Variants in LRRTM4 observed in about 807,000 individuals in gnomAD.
LRRTM4 encodes the protein leucine-rich repeat transmembrane neuronal protein 4.
LRRTM4 carries 25 observed loss-of-function variants against 47.6 expected under a neutral mutation model. The observed-to-expected ratio is 0.53, with a 90% CI of 0.38 to 0.73. LRRTM4 has a LOEUF of 0.73. Ranked by LOEUF, LRRTM4 falls within the 30% of genes least tolerant of loss-of-function variation. The pLI, the probability that LRRTM4 is intolerant of heterozygous loss-of-function variation, is 0.00. For missense variants in LRRTM4, 638 were observed against 713.4 expected, an observed-to-expected ratio of 0.89 and a Z score of 1.20; for synonymous variants, 311 against 269.5, an observed-to-expected ratio of 1.15 and a Z score of -1.51.
chr2:76,799,218 A>C (rs1281352554), intron 3 of LRRTM4, among the ~76,000 whole-genome samples: 173 of 123,538 alleles, frequency 1.4e-3, no homozygotes, highest in African/African-American at 5.1e-3. Flanking sequence ...TACTGGCAAA[A>C]CGAATCCAGC....
At chr2:76,948,320 G>C (rs1235312497) in intron 3 of LRRTM4, among the ~76,000 whole-genome samples, 1 of 151,878 alleles carries the variant, frequency 6.6e-6, no homozygotes, top group Non-Finnish European at 1.5e-5. Context: ...ATGGAGAGGT[G>C]TGTAACCAAC....
intron 3 of LRRTM4, among the ~76,000 whole-genome samples, chr2:77,107,916 T>A (rs1280476984): frequency 6.6e-6 from 1 of 151,636 alleles, no homozygotes; most frequent in Non-Finnish European, 1.5e-5. Context: ...CTTGCCATTA[T>A]AAGTTGTTTA....
intron 3 of LRRTM4, among the ~76,000 whole-genome samples, chr2:77,083,539 T>C (rs1195475861): frequency 1.3e-5 from 2 of 152,168 alleles, no homozygotes; most frequent in South Asian, 4.1e-4. Flanking sequence ...CAATGAAAGC[T>C]AGTCCTGAAA....
At chr2:77,378,882 C>G (rs1558715781) in intron 3 of LRRTM4, among the ~76,000 whole-genome samples, 1 of 152,094 alleles carries the variant, frequency 6.6e-6, no homozygotes, top group East Asian at 1.9e-4. Flanking sequence ...ACAGTGTTCA[C>G]CTTTACACAC....
intron 3 of LRRTM4, among the ~76,000 whole-genome samples, chr2:77,088,381 C>T (rs970918059): frequency 3.3e-5 from 5 of 152,220 alleles, no homozygotes; most frequent in South Asian, 4.1e-4. Context: ...TGTAAATGAC[C>T]GGTCCTTGCC....
At chr2:77,297,357 T>C (rs1677001836) in intron 3 of LRRTM4, among the ~76,000 whole-genome samples, 1 of 152,188 alleles carries the variant, frequency 6.6e-6, no homozygotes, top group Non-Finnish European at 1.5e-5. Flanking sequence ...GACTGATTAT[T>C]GTTTTGATTT....
intron 3 of LRRTM4, among the ~76,000 whole-genome samples, chr2:76,908,646 T>C (rs565625475): frequency 1.2e-4 from 18 of 152,156 alleles, no homozygotes; most frequent in East Asian, 7.7e-4. Flanking sequence ...TCAGCAAAGT[T>C]TCAGGACACA....
chr2:77,449,900 CAG>C (rs1402719647), intron 3 of LRRTM4, among the ~76,000 whole-genome samples: 1 of 152,184 alleles, frequency 6.6e-6, no homozygotes, highest in Non-Finnish European at 1.5e-5. Flanking sequence ...CTAAACCAGC[CAG>C]AGTCAGTTTT....
At chr2:76,949,969 A>G (rs1480431854) in intron 3 of LRRTM4, among the ~76,000 whole-genome samples, 1 of 151,978 alleles carries the variant, frequency 6.6e-6, no homozygotes, top group African/African-American at 2.4e-5. Context: ...AAGATAGAAG[A>G]CAAAATATAT....
intron 3 of LRRTM4, among the ~76,000 whole-genome samples, chr2:76,935,694 G>T (rs561710401): frequency 1.3e-5 from 2 of 152,158 alleles, no homozygotes; most frequent in African/African-American, 4.8e-5. Context: ...CATTGATTTT[G>T]TATCCTGAGA....
At chr2:76,751,742 T>C (rs535933109) in intron 3 of LRRTM4, among the ~76,000 whole-genome samples, 5 of 152,238 alleles carry the variant, frequency 3.3e-5, no homozygotes, top group South Asian at 4.1e-4. Flanking sequence ...CCTGGAGATA[T>C]GTGGGATTGG....
At chr2:77,398,439 CT>C (rs34136050) in intron 3 of LRRTM4, among the ~76,000 whole-genome samples, 41 of 151,716 alleles carry the variant, frequency 2.7e-4, no homozygotes, top group Middle Eastern at 3.4e-3. Context: ...CAAACACATA[CT>C]TTTTTTTCAG....
chr2:77,151,173 A>G (rs1672409012), intron 3 of LRRTM4, among the ~76,000 whole-genome samples: 1 of 151,432 alleles, frequency 6.6e-6, no homozygotes, highest in African/African-American at 2.4e-5. Flanking sequence ...ATGTGTAGTA[A>G]GAATACTTAA....
intron 3 of LRRTM4, among the ~76,000 whole-genome samples, chr2:77,456,051 T>C (rs1304981248): frequency 6.6e-6 from 1 of 152,158 alleles, no homozygotes; most frequent in Non-Finnish European, 1.5e-5. Flanking sequence ...AATCCCTCCA[T>C]GTCCCCTACC....
At chr2:76,837,696 A>G (rs977267545) in intron 3 of LRRTM4, among the ~76,000 whole-genome samples, 2 of 152,220 alleles carry the variant, frequency 1.3e-5, no homozygotes, top group East Asian at 1.9e-4. Context: ...CAAATGTCCA[A>G]CAATGATAGA....
chr2:77,330,612 A>C (rs1455136753), intron 3 of LRRTM4, among the ~76,000 whole-genome samples: 2 of 152,148 alleles, frequency 1.3e-5, no homozygotes, highest in Non-Finnish European at 2.9e-5. Flanking sequence ...GTATAATCTG[A>C]GTTCTATTTT....
chr2:76,869,865 CTT>C (rs1168581609), intron 3 of LRRTM4, among the ~76,000 whole-genome samples: 1 of 151,946 alleles, frequency 6.6e-6, no homozygotes, highest in Non-Finnish European at 1.5e-5. Context: ...ATGTTATAAA[CTT>C]GAATATTATT....
At chr2:77,372,492 T>C (rs1672686499) in intron 3 of LRRTM4, among the ~76,000 whole-genome samples, 1 of 151,770 alleles carries the variant, frequency 6.6e-6, no homozygotes, top group Non-Finnish European at 1.5e-5. Flanking sequence ...TCAAGAATAA[T>C]GCTGATTTTG....
At chr2:76,846,843 G>A (rs373356763) in intron 3 of LRRTM4, among the ~76,000 whole-genome samples, 2 of 152,162 alleles carry the variant, frequency 1.3e-5, no homozygotes, top group East Asian at 1.9e-4. Flanking sequence ...CCCATTATCT[G>A]GTAAGAGAAA....
Sources: gnomAD v4.1 joint callset for allele counts (sites outside exome capture counted in the v4.1 genomes callset) on GRCh38, gnomAD v4.1.1 for gene constraint, MANE v1.5 for transcripts, NCBI Gene and HGNC (gene_info 2026-07-23, HGNC 2026-07-21) for gene names.